The following DRC11 variants were observed in gnomAD, a reference collection of about 807,000 sequenced individuals.
The protein encoded by DRC11 is IQ and AAA domain-containing protein 1.
At chr2:236,324,580 T>C in the DRC11 span, 4 of 684,146 alleles carry the variant, frequency 5.8e-6, no homozygotes, top group East Asian at 5.7e-5. This position sits in a 1 kb window ranked among gnomAD's most constrained non-coding sequence, Gnocchi z 5.7. Flanking sequence ...AGGCGGGCAA[T>C]GGTGAATCTT....
the DRC11 span, among the ~76,000 whole-genome samples, chr2:236,347,508 C>CCATATATATATATATATATATATATA: frequency 7.4e-5 from 8 of 107,534 alleles, no homozygotes; most frequent in Non-Finnish European, 1.3e-4. Flanking sequence ...AAAAACTGTG[C>CCATATATATATATATATATATATATA]TATATATATA....
chr2:236,399,364 C>G, the DRC11 span: 16 of 1,443,938 alleles, frequency 1.1e-5, no homozygotes, highest in Non-Finnish European at 1.5e-5. The surrounding 1 kb of genome is among the most constrained non-coding windows in gnomAD (Gnocchi z 7.0). Context: ...GATGGGGTTC[C>G]CAGCACGTGC....
chr2:236,311,951 T>C, the DRC11 span, among the ~76,000 whole-genome samples: 1 of 152,156 alleles, frequency 6.6e-6, no homozygotes. The surrounding 1 kb of genome is among the most constrained non-coding windows in gnomAD (Gnocchi z 6.9). Context: ...TCTATAGATA[T>C]GTTAAGGTGA....
chr2:236,424,058 G>A, the DRC11 span, among the ~76,000 whole-genome samples: 1 of 121,306 alleles, frequency 8.2e-6, no homozygotes, highest in Non-Finnish European at 1.7e-5. Context: ...TTGTGGGGTG[G>A]GGGGAGGGGG....
the DRC11 span, among the ~76,000 whole-genome samples, chr2:236,465,254 C>A: frequency 6.6e-6 from 1 of 152,150 alleles, no homozygotes; most frequent in Non-Finnish European, 1.5e-5. The surrounding 1 kb of genome is among the most constrained non-coding windows in gnomAD (Gnocchi z 6.2). Context: ...CCTGTGAAGT[C>A]CTGCCATCCT....
the DRC11 span, among the ~76,000 whole-genome samples, chr2:236,507,100 T>C: frequency 6.6e-6 from 1 of 152,062 alleles, no homozygotes; most frequent in African/African-American, 2.4e-5. Context: ...CGAGGCATAT[T>C]TGAATTTCCT....
the DRC11 span, among the ~76,000 whole-genome samples, chr2:236,439,622 T>G: frequency 6.6e-6 from 1 of 152,270 alleles, no homozygotes; most frequent in South Asian, 2.1e-4. Flanking sequence ...ATGTATTGGG[T>G]TTCCTAGGGA....
the DRC11 span, among the ~76,000 whole-genome samples, chr2:236,440,215 C>T: frequency 6.6e-6 from 1 of 152,132 alleles, no homozygotes; most frequent in African/African-American, 2.4e-5. Flanking sequence ...AGGCCCCCTA[C>T]ATTAAAAGAA....
the DRC11 span, among the ~76,000 whole-genome samples, chr2:236,414,426 AT>A: frequency 6.6e-6 from 1 of 152,150 alleles, no homozygotes; most frequent in Non-Finnish European, 1.5e-5. Context: ...CTAGAGATTC[AT>A]TTTGTTGCCT....
the DRC11 span, among the ~76,000 whole-genome samples, chr2:236,461,204 C>G: frequency 6.6e-6 from 1 of 152,132 alleles, no homozygotes; most frequent in Non-Finnish European, 1.5e-5. The surrounding 1 kb of genome is among the most constrained non-coding windows in gnomAD (Gnocchi z 4.0). Flanking sequence ...CTGTATGAAA[C>G]TAAAGAATCA....
chr2:236,377,100 C>T, the DRC11 span: 1 of 1,571,898 alleles, frequency 6.4e-7, no homozygotes, highest in African/African-American at 1.3e-5. This position sits in a 1 kb window ranked among gnomAD's most constrained non-coding sequence, Gnocchi z 4.9. Context: ...TCTGTGTACT[C>T]ACCAATGTAA....
chr2:236,488,218 A>C, the DRC11 span: 1 of 1,474,764 alleles, frequency 6.8e-7, no homozygotes, highest in Non-Finnish European at 9.1e-7. Context: ...AGATAAACCA[A>C]TGTTTGAACA....
the DRC11 span, among the ~76,000 whole-genome samples, chr2:236,443,225 G>T: frequency 6.6e-6 from 1 of 152,190 alleles, no homozygotes; most frequent in Non-Finnish European, 1.5e-5. This position sits in a 1 kb window ranked among gnomAD's most constrained non-coding sequence, Gnocchi z 4.4. Flanking sequence ...GGATGTGCAG[G>T]TTTGTTACGT....
the DRC11 span, among the ~76,000 whole-genome samples, chr2:236,449,793 T>TC: frequency 2.6e-5 from 4 of 152,118 alleles, no homozygotes; most frequent in Non-Finnish European, 4.4e-5. This position sits in a 1 kb window ranked among gnomAD's most constrained non-coding sequence, Gnocchi z 5.1. Context: ...CCACCTCCCC[T>TC]CCCCAGCTAG....
the DRC11 span, among the ~76,000 whole-genome samples, chr2:236,422,141 G>C: frequency 1.3e-5 from 2 of 152,124 alleles, no homozygotes; most frequent in Non-Finnish European, 2.9e-5. Flanking sequence ...CTTTGAAAAC[G>C]GGCACAAGAC....
chr2:236,477,823 A>G, the DRC11 span, among the ~76,000 whole-genome samples: 1 of 152,080 alleles, frequency 6.6e-6, no homozygotes, highest in South Asian at 2.1e-4. Context: ...TTGTTGGTGT[A>G]CAGTTTTTTT....
At chr2:236,416,583 CG>C in the DRC11 span, among the ~76,000 whole-genome samples, 1 of 150,944 alleles carries the variant, frequency 6.6e-6, no homozygotes, top group Non-Finnish European at 1.5e-5. Context: ...TGGAGGCAGA[CG>C]GAAGAACCAC....
At chr2:236,404,257 T>A in the DRC11 span, among the ~76,000 whole-genome samples, 1 of 151,442 alleles carries the variant, frequency 6.6e-6, no homozygotes, top group Non-Finnish European at 1.5e-5. Flanking sequence ...CCAATTATGC[T>A]CAATTAAGTG....
chr2:236,349,366 G>A, the DRC11 span, among the ~76,000 whole-genome samples: 69 of 152,268 alleles, frequency 4.5e-4, no homozygotes, highest in African/African-American at 1.4e-4. The surrounding 1 kb of genome is among the most constrained non-coding windows in gnomAD (Gnocchi z 5.5). Context: ...TTTATACTTC[G>A]TAAAGATAAT....
Sources: gnomAD v4.1 joint callset for allele counts (sites outside exome capture counted in the v4.1 genomes callset) on GRCh38, gnomAD v4.1.1 for gene constraint, Gnocchi (gnomAD v3.1) non-coding constraint, MANE v1.5 for transcripts, NCBI Gene and HGNC (gene_info 2026-07-23, HGNC 2026-07-21) for gene names.